MAGI1: variants seen among roughly 807,000 people sequenced by gnomAD.
MAGI1 encodes membrane associated guanylate kinase, WW and PDZ domain containing 1, also known as membrane-associated guanylate kinase, WW and PDZ domain-containing protein 1.
MAGI1 carries 58 observed loss-of-function variants against 139.9 expected under a neutral mutation model. The ratio of observed to expected loss-of-function variants is 0.41; its 90% CI spans 0.34 to 0.52. MAGI1 has a LOEUF of 0.52. Ranked by LOEUF, MAGI1 falls within the 20% of genes least tolerant of loss-of-function variation. The pLI is 0.12. For synonymous variants in MAGI1, 812 were observed against 737.9 expected (o/e 1.10, Z -1.63); for missense variants, 1,874 against 1,901.6 (o/e 0.99, Z 0.27).
chr3:65,609,055 T>C (rs780457268), intron 2 of MAGI1, among the ~76,000 whole-genome samples: 3 of 152,138 alleles, frequency 2.0e-5, no homozygotes, highest in Non-Finnish European at 4.4e-5. Flanking sequence ...TCCAGGGTGA[T>C]AGCATCAGAA....
intron 1 of MAGI1, among the ~76,000 whole-genome samples, chr3:65,936,574 G>A (rs1423515942): frequency 6.7e-6 from 1 of 149,392 alleles, no homozygotes. Context: ...CAGCCTGGGT[G>A]ACAGAGACTC....
chr3:65,617,803 C>G (rs1334416662), intron 2 of MAGI1, among the ~76,000 whole-genome samples: 1 of 152,118 alleles, frequency 6.6e-6, no homozygotes, highest in East Asian at 1.9e-4. Context: ...ATATCTTTTT[C>G]CATTTCTTCA....
At chr3:65,799,171 C>G (rs1473776962) in intron 1 of MAGI1, among the ~76,000 whole-genome samples, 1 of 152,144 alleles carries the variant, frequency 6.6e-6, no homozygotes, top group African/African-American at 2.4e-5. Context: ...ATCTGTGAAA[C>G]TGTAATGAAG....
intron 1 of MAGI1, among the ~76,000 whole-genome samples, chr3:65,865,876 G>C (rs1226001391): frequency 6.6e-6 from 1 of 152,068 alleles, no homozygotes; most frequent in Non-Finnish European, 1.5e-5. Context: ...CTGACCTCAG[G>C]TGATCCACCC....
chr3:65,714,244 A>C (rs898146672), intron 1 of MAGI1, among the ~76,000 whole-genome samples: 6 of 152,158 alleles, frequency 3.9e-5, no homozygotes, highest in African/African-American at 1.4e-4. Context: ...CATTCCTCCA[A>C]TGGCCCTGAC....
At chr3:65,894,086 C>G (rs1422703410) in intron 1 of MAGI1, among the ~76,000 whole-genome samples, 1 of 152,146 alleles carries the variant, frequency 6.6e-6, no homozygotes, top group Non-Finnish European at 1.5e-5. Flanking sequence ...CACTGCTCCA[C>G]CATAATCACA....
At chr3:65,716,238 A>G (rs1193812396) in intron 1 of MAGI1, among the ~76,000 whole-genome samples, 1 of 152,250 alleles carries the variant, frequency 6.6e-6, no homozygotes, top group Non-Finnish European at 1.5e-5. Flanking sequence ...AGAATGATAC[A>G]GGGACTGTTG....
chr3:65,602,360 A>C (rs1465507190), intron 2 of MAGI1, among the ~76,000 whole-genome samples: 1 of 152,186 alleles, frequency 6.6e-6, no homozygotes, highest in East Asian at 1.9e-4. Flanking sequence ...AGAGGATACT[A>C]TTGGGCAATA....
intron 1 of MAGI1, among the ~76,000 whole-genome samples, chr3:65,715,467 G>T (rs1444124338): frequency 2.0e-5 from 3 of 152,130 alleles, no homozygotes; most frequent in Non-Finnish European, 4.4e-5. Context: ...CATACTGCTG[G>T]GAGTTTGGAA....
At chr3:65,690,878 T>C (rs979802154) in intron 1 of MAGI1, among the ~76,000 whole-genome samples, 3 of 148,896 alleles carry the variant, frequency 2.0e-5, no homozygotes, top group African/African-American at 7.5e-5. Flanking sequence ...GATATAATAC[T>C]ATGATATTCT....
At chr3:66,019,147 C>A (rs2067831169) in intron 1 of MAGI1, among the ~76,000 whole-genome samples, 1 of 152,170 alleles carries the variant, frequency 6.6e-6, no homozygotes, top group Non-Finnish European at 1.5e-5. Flanking sequence ...AGATAATAGG[C>A]AGGCTAACTT....
At chr3:65,752,944 A>G (rs750007195) in intron 1 of MAGI1, among the ~76,000 whole-genome samples, 1 of 151,804 alleles carries the variant, frequency 6.6e-6, no homozygotes, top group Non-Finnish European at 1.5e-5. Context: ...TATAAATCCC[A>G]CTTGTCCTGG....
Position 65,379,496 on chromosome 3 carries a change from C to T in MAGI1, c.2760G>A (p.Gln920=). 1.2e-6 allele frequency: 2 copies of T among 1,613,912 alleles called. No individual in the cohort carries two copies. Among genetic ancestry groups the T allele is most frequent in the South Asian group, 2.2e-5 (2 of 91,074 alleles). ...GCTTCTCTTCTGTCAGCGAGGCCGG[C>T]TGGTTGCTACTGTGATGAGAGGAGG... ...SPASSHHSSN[Q]PASLTEEKRT... The change falls in exon 17 of 23, where the codon CAG becomes CAA. Residue 920 remains glutamine (Q), a synonymous_variant. Coordinates refer to ENST00000402939, the MANE Select transcript of MAGI1 (RefSeq NM_001033057.2).
intron 2 of MAGI1, among the ~76,000 whole-genome samples, chr3:65,517,206 A>G (rs1340617448): frequency 1.3e-5 from 2 of 152,060 alleles, no homozygotes; most frequent in African/African-American, 4.8e-5. Context: ...TGCACTTGCT[A>G]TTACTCCTCC....
At chr3:65,990,968 T>TG (rs2066139093) in intron 1 of MAGI1, among the ~76,000 whole-genome samples, 1 of 151,174 alleles carries the variant, frequency 6.6e-6, no homozygotes, top group South Asian at 2.1e-4. Context: ...GCCTGGGTGA[T>TG]GGAGTGAGAC....
chr3:65,705,088 G>A (rs181695180), intron 1 of MAGI1, among the ~76,000 whole-genome samples: 1 of 152,012 alleles, frequency 6.6e-6, no homozygotes, highest in East Asian at 1.9e-4. Context: ...GGACAGAAAT[G>A]CAGAGAATTT....
At chr3:65,574,187 T>G (rs1483093724) in intron 2 of MAGI1, among the ~76,000 whole-genome samples, 1 of 151,674 alleles carries the variant, frequency 6.6e-6, no homozygotes, top group African/African-American at 2.4e-5. Flanking sequence ...TTTTTATTTT[T>G]TAACTTTTAT....
chr3:65,907,381 G>A (rs1203179939), intron 1 of MAGI1, among the ~76,000 whole-genome samples: 2 of 152,170 alleles, frequency 1.3e-5, no homozygotes, highest in Non-Finnish European at 2.9e-5. Context: ...CAGCTTGTCA[G>A]TGACAAAACC....
At chr3:65,619,209 G>A (rs1037864866) in intron 2 of MAGI1, among the ~76,000 whole-genome samples, 31 of 152,114 alleles carry the variant, frequency 2.0e-4, no homozygotes, top group African/African-American at 7.5e-4. Context: ...CATTTCAAAT[G>A]GTACAATTTT....
Sources: allele counts gnomAD v4.1 joint callset (sites outside exome capture counted in the v4.1 genomes callset), GRCh38; gene constraint gnomAD v4.1.1; transcripts MANE v1.5; gene names NCBI Gene and HGNC (gene_info 2026-07-23, HGNC 2026-07-21).